Variants in SAMD4A observed in about 807,000 individuals in gnomAD.
SAMD4A encodes sterile alpha motif domain containing 4A, also known as protein Smaug homolog 1.
SAMD4A carries 33 observed loss-of-function variants against 81.3 expected under a neutral mutation model. That is an observed-to-expected ratio of 0.41 (90% CI 0.31 to 0.54). SAMD4A has a LOEUF of 0.54. SAMD4A is among the 20% of genes least tolerant of loss of function. The pLI is 0.37. For synonymous variants in SAMD4A, 389 were observed against 382.1 expected, an observed-to-expected ratio of 1.02 and a Z score of -0.21; for missense variants, 854 against 951.1, an observed-to-expected ratio of 0.90 and a Z score of 1.34.
chr14:54,626,914 GT>G, intron 2 of SAMD4A, among the ~76,000 whole-genome samples: 3 of 152,310 alleles, frequency 2.0e-5, no homozygotes, highest in African/African-American at 7.2e-5. Context: ...AAGTTAAATA[GT>G]TTGTCCGTGA....
At position 54,570,293 on chromosome 14, in the gene SAMD4A, G is replaced by C. The variant is rs555024226; in HGVS notation, c.196+2181G>C. Among the ~76,000 whole-genome samples, 8 of 152,318 alleles carry C rather than the reference G, an allele frequency of 5.3e-5. No individual in the cohort carries two copies. The South Asian group carries it at 1.7e-3, about 32-fold the overall frequency. On this transcript the variant is annotated intron_variant, in intron 2 of 12. Coordinates refer to ENST00000554335, the MANE Select transcript of SAMD4A (RefSeq NM_015589.6). ...TTGTCATAGCATACCTGAGTCTGTA[G>C]TGTGGCTCTCTGCATATCCGGAAAC... is the stretch of plus-strand genomic sequence containing the variant.
intron 5 of SAMD4A, among the ~76,000 whole-genome samples, chr14:54,749,417 C>A (rs901837961): frequency 6.6e-6 from 1 of 152,158 alleles, no homozygotes; most frequent in African/African-American, 2.4e-5. Context: ...AGTAGATGCA[C>A]CAGGTCATGC....
rs572677708 is a variant in SAMD4A at position 54,789,089 on chromosome 14, G to C, written c.*145G>C. ...TCCCTCTCCCGTTTTGATTTTGTGAGAGCGTAGGTCATCCTCGTAAACATA... is the reference window on the plus strand; with the variant it reads ...TCCCTCTCCCGTTTTGATTTTGTGACAGCGTAGGTCATCCTCGTAAACATA... On this transcript the variant is annotated 3_prime_UTR_variant, in exon 13 of 13. Coordinates refer to ENST00000554335, the MANE Select transcript of SAMD4A (RefSeq NM_015589.6). The C allele has an allele frequency of 5.9e-6, 5 of 847,178 alleles. No individual in the cohort carries two copies. In the South Asian group the frequency reaches 7.1e-5, roughly 12 times the overall value. 52.5% of individuals were successfully genotyped at this position (847,178 alleles called of 1,614,324 possible).
At position 54,665,938 on chromosome 14, in the gene SAMD4A, A is replaced by C. The variant is rs181064635; in HGVS notation, c.197-36124A>C. Among the ~76,000 whole-genome samples the C allele has an allele frequency of 1.5e-4, 23 of 152,278 alleles. No homozygotes were observed. The East Asian group carries it at 4.1e-3, about 27-fold the overall frequency. On this transcript the variant is annotated intron_variant, in intron 2 of 12. Coordinates refer to ENST00000554335, the MANE Select transcript of SAMD4A (RefSeq NM_015589.6). Reference sequence around the variant, plus strand: ...TCATGGATTTTCTGTTCTGATAATAAAGAGACACAAATGGGCAGGATGTGA... The same window carrying C: ...TCATGGATTTTCTGTTCTGATAATACAGAGACACAAATGGGCAGGATGTGA...
intron 2 of SAMD4A, among the ~76,000 whole-genome samples, chr14:54,671,881 G>T (rs1288782273): frequency 6.6e-6 from 1 of 152,074 alleles, no homozygotes; most frequent in Non-Finnish European, 1.5e-5. Flanking sequence ...GAACTTTGGG[G>T]CAAGAGAAGG....
At chr14:54,620,855 G>T (rs150212098) in intron 2 of SAMD4A, among the ~76,000 whole-genome samples, 1 of 152,168 alleles carries the variant, frequency 6.6e-6, no homozygotes, top group Non-Finnish European at 1.5e-5. Flanking sequence ...GAACTCCTGG[G>T]TTCAAGCCAT....
At chr14:54,622,766 G>A (rs111907927) in intron 2 of SAMD4A, among the ~76,000 whole-genome samples, 31 of 152,300 alleles carry the variant, frequency 2.0e-4, no homozygotes, top group African/African-American at 7.5e-4. Flanking sequence ...GTAGGCGTGG[G>A]GAGTTTTGCT....
intron 2 of SAMD4A, among the ~76,000 whole-genome samples, chr14:54,650,910 G>A (rs116402635): frequency 0.019 from 2,909 of 152,142 alleles, 84 homozygotes; most frequent in African/African-American, 0.067. Context: ...CATCCCTACC[G>A]AGGTCTCCAA....
intron 2 of SAMD4A, among the ~76,000 whole-genome samples, chr14:54,669,504 G>A (rs2035830645): frequency 1.4e-5 from 2 of 145,144 alleles, no homozygotes; most frequent in African/African-American, 5.2e-5. Flanking sequence ...GCCCAGGCTG[G>A]CTGGAGTGCA....
chr14:54,581,563 T>C (rs961140032), intron 2 of SAMD4A, among the ~76,000 whole-genome samples: 1 of 152,316 alleles, frequency 6.6e-6, no homozygotes, highest in Non-Finnish European at 1.5e-5. Context: ...ATGTACTCTC[T>C]TCAAGTATGA....
intron 2 of SAMD4A, among the ~76,000 whole-genome samples, chr14:54,575,129 C>A (rs1484555633): frequency 6.6e-6 from 1 of 152,130 alleles, no homozygotes; most frequent in Non-Finnish European, 1.5e-5. Flanking sequence ...GTCCCCCCAA[C>A]CCCCTACTCC....
At chr14:54,584,514 T>C (rs2033562917) in intron 2 of SAMD4A, among the ~76,000 whole-genome samples, 1 of 152,206 alleles carries the variant, frequency 6.6e-6, no homozygotes, top group African/African-American at 2.4e-5. Context: ...AAGAAGACTC[T>C]GTCAAGTTAA....
At chr14:54,579,232 T>G (rs1441501859) in intron 2 of SAMD4A, among the ~76,000 whole-genome samples, 1 of 152,238 alleles carries the variant, frequency 6.6e-6, no homozygotes, top group African/African-American at 2.4e-5. Flanking sequence ...GCCGTATATT[T>G]CAATAATTAG....
intron 3 of SAMD4A, among the ~76,000 whole-genome samples, chr14:54,726,251 C>G (rs2037412843): frequency 6.6e-6 from 1 of 152,120 alleles, no homozygotes; most frequent in Admixed American, 6.6e-5. Flanking sequence ...AAAATGACCA[C>G]AACAAGAGGC....
chr14:54,592,146 G>A (rs2033794858), intron 2 of SAMD4A, among the ~76,000 whole-genome samples: 1 of 152,000 alleles, frequency 6.6e-6, no homozygotes, highest in Admixed American at 6.5e-5. Context: ...GACCACCATA[G>A]CTCTGTGACT....
At chr14:54,745,410 G>A (rs528535071) in intron 4 of SAMD4A, among the ~76,000 whole-genome samples, 1 of 152,060 alleles carries the variant, frequency 6.6e-6, no homozygotes, top group Non-Finnish European at 1.5e-5. Context: ...CTTCCTCACT[G>A]TGGCCATCCT....
intron 3 of SAMD4A, among the ~76,000 whole-genome samples, chr14:54,727,209 A>G (rs1447258579): frequency 2.6e-5 from 1 of 37,738 alleles, no homozygotes; most frequent in African/African-American, 6.1e-5. Context: ...TTTTTTTTTG[A>G]GGTGGAGTCT....
chr14:54,572,522 T>A lies in SAMD4A; in HGVS notation c.196+4410T>A, dbSNP rs569376241. Among the ~76,000 whole-genome samples, 6 of 152,342 alleles carry A rather than the reference T, an allele frequency of 3.9e-5. No homozygotes were observed. In the South Asian group the frequency reaches 1.0e-3, roughly 26 times the overall value. ...TTTCCATTTTGGCCACATGGTGGCA[T>A]TATCTTCTAAGGGCAGCTTGGTTGC... On this transcript the variant is annotated intron_variant, in intron 2 of 12. Transcript: ENST00000554335.
chr14:54,739,455 C>T (rs1348417814), intron 4 of SAMD4A, among the ~76,000 whole-genome samples: 1 of 151,944 alleles, frequency 6.6e-6, no homozygotes, highest in African/African-American at 2.4e-5. Context: ...ATTGAACTTC[C>T]CTTCTTCCAA....
Sources: allele counts gnomAD v4.1 joint callset (sites outside exome capture counted in the v4.1 genomes callset), GRCh38; gene constraint gnomAD v4.1.1; transcripts MANE v1.5; gene names NCBI Gene and HGNC (gene_info 2026-07-23, HGNC 2026-07-21).